ROBO1: variants seen among roughly 807,000 people sequenced by gnomAD.
ROBO1 encodes the protein roundabout homolog 1.
Under a neutral mutation model 195.9 loss-of-function variants are expected in ROBO1, and 149 were observed. That is an observed-to-expected ratio of 0.76 (90% CI 0.67 to 0.87). ROBO1 has a LOEUF of 0.87. Ranked by LOEUF, ROBO1 falls within the 40% of genes least tolerant of loss-of-function variation. The pLI is 0.00. For missense variants in ROBO1, 1,933 were observed against 2,068.3 expected (o/e 0.93, Z 1.27); for synonymous variants, 816 against 733.2 (o/e 1.11, Z -1.82).
At chr3:79,498,051 A>C (rs1367544061) in intron 2 of ROBO1, among the ~76,000 whole-genome samples, 3 of 152,130 alleles carry the variant, frequency 2.0e-5, no homozygotes, top group African/African-American at 7.2e-5. Flanking sequence ...ATCGAATCTC[A>C]TCTCTCTACA....
intron 2 of ROBO1, among the ~76,000 whole-genome samples, chr3:79,352,141 C>T (rs1304568814): frequency 6.6e-6 from 1 of 152,094 alleles, no homozygotes; most frequent in Non-Finnish European, 1.5e-5. Flanking sequence ...TGAAGTATCC[C>T]ATCAAACTTA....
chr3:79,720,076 A>T (rs1702637675), intron 1 of ROBO1, among the ~76,000 whole-genome samples: 1 of 152,222 alleles, frequency 6.6e-6, no homozygotes, highest in Non-Finnish European at 1.5e-5. Context: ...CTATTAAGAT[A>T]ATAAAAGTGT....
intron 2 of ROBO1, among the ~76,000 whole-genome samples, chr3:79,162,736 T>C (rs1188840450): frequency 6.6e-6 from 1 of 152,162 alleles, no homozygotes; most frequent in East Asian, 1.9e-4. Flanking sequence ...CTGTGAAACA[T>C]TGTCTTACTG....
At position 78,598,509 on chromosome 3, in the gene ROBO1, T is replaced by TATC. The variant is rs113692951; in HGVS notation, c.*401_*403dup. On this transcript the variant is annotated 3_prime_UTR_variant, in exon 31 of 31. Transcript: ENST00000464233. The stretch of plus-strand genomic sequence containing the variant: ...CTTTGAGAGCCCTTGTGAGGTTGAA[T>TATC]ATCAACTTTCTATATTTGATCAATA... 0.25 allele frequency: 39,524 copies of TATC among 158,516 alleles called. 5,042 individuals are homozygous for TATC. Among genetic ancestry groups the TATC allele is most frequent in the Middle Eastern group, 0.37 (124 of 334 alleles). The allele number at this position is 158,516 out of a possible 1,614,324, so 9.8% of individuals were successfully genotyped here. A position where few individuals can be genotyped will look rare whatever the true frequency, so the allele number is the denominator to read the frequency against.
intron 2 of ROBO1, among the ~76,000 whole-genome samples, chr3:79,414,825 A>C (rs927482857): frequency 9.9e-5 from 15 of 152,194 alleles, no homozygotes; most frequent in Non-Finnish European, 1.9e-4. Flanking sequence ...ACTGAAGATT[A>C]TCAGCAGATG....
chr3:78,736,800 C>CT (rs1039842795), intron 5 of ROBO1, among the ~76,000 whole-genome samples: 11 of 152,158 alleles, frequency 7.2e-5, no homozygotes, highest in Non-Finnish European at 1.5e-4. Flanking sequence ...GCTTGGCTTT[C>CT]TTTTTTCTAG....
intron 1 of ROBO1, among the ~76,000 whole-genome samples, chr3:79,698,155 T>TACTAGGCAGCAAATTAAATA (rs1947502373): frequency 1.3e-5 from 2 of 151,510 alleles, no homozygotes; most frequent in Non-Finnish European, 3.0e-5. Context: ...TATGAGGACT[T>TACTAGGCAGCAAATTAAATA]TGAAGACTGA....
intron 3 of ROBO1, among the ~76,000 whole-genome samples, chr3:79,033,308 A>G (rs2078328247): frequency 6.6e-6 from 1 of 152,114 alleles, no homozygotes; most frequent in Non-Finnish European, 1.5e-5. Context: ...CTTTAAAGTA[A>G]TACTTCTACC....
chr3:79,432,327 A>G (rs2038710879), intron 2 of ROBO1, among the ~76,000 whole-genome samples: 1 of 152,116 alleles, frequency 6.6e-6, no homozygotes, highest in Non-Finnish European at 1.5e-5. Context: ...TATTTGTGCC[A>G]TACAAATATT....
chr3:79,440,754 G>C (rs1032210747), intron 2 of ROBO1, among the ~76,000 whole-genome samples: 1 of 152,094 alleles, frequency 6.6e-6, no homozygotes, highest in Non-Finnish European at 1.5e-5. Context: ...ACAGAATTGA[G>C]CAAGGCAAGA....
intron 1 of ROBO1, among the ~76,000 whole-genome samples, chr3:79,648,421 GTGAAGA>G (rs769887498): frequency 6.6e-6 from 1 of 152,062 alleles, no homozygotes; most frequent in Non-Finnish European, 1.5e-5. Context: ...ATAAGGCTCA[GTGAAGA>G]TGAACTCCTG....
chr3:79,148,214 A>T (rs186514787), intron 2 of ROBO1, among the ~76,000 whole-genome samples: 3 of 152,046 alleles, frequency 2.0e-5, no homozygotes, highest in Admixed American at 1.3e-4. Flanking sequence ...GAAGCACAAT[A>T]GGAACACAAG....
At position 78,831,005 on chromosome 3, in the gene ROBO1, C is replaced by T. The variant is rs142705183; in HGVS notation, c.500-84105G>A. ...CCGGCTCACTGCAACCTCTGCCTCC[C>T]GTGTTCAAGTGATTCTCCTGCCTTA... On this transcript the variant is annotated intron_variant, in intron 4 of 30. Transcript: ENST00000464233. Among the ~76,000 whole-genome samples the T allele has an allele frequency of 2.7e-3, 405 of 152,050 alleles. 2 individuals carry two copies. The highest frequency in any genetic ancestry group is 8.7e-3 in the African/African-American group (360 of 41,472).
At chr3:79,530,801 A>C (rs1465223400) in intron 2 of ROBO1, among the ~76,000 whole-genome samples, 1 of 130,394 alleles carries the variant, frequency 7.7e-6, no homozygotes, top group African/African-American at 3.1e-5. Context: ...ACACACACAC[A>C]CACATCCTTC....
intron 2 of ROBO1, among the ~76,000 whole-genome samples, chr3:79,270,211 CT>C (rs2030405682): frequency 1.4e-5 from 2 of 146,106 alleles, no homozygotes; most frequent in Non-Finnish European, 3.1e-5. Context: ...CTCTCTCTCT[CT>C]CTCTCTCTCA....
chr3:79,051,935 G>A (rs981199643), intron 3 of ROBO1, among the ~76,000 whole-genome samples: 1 of 151,984 alleles, frequency 6.6e-6, no homozygotes, highest in African/African-American at 2.4e-5. Flanking sequence ...GATGTATGTT[G>A]CCTCAGGACC....
chr3:79,470,632 TA>T (rs1477247230), intron 2 of ROBO1, among the ~76,000 whole-genome samples: 1 of 152,098 alleles, frequency 6.6e-6, no homozygotes, highest in Non-Finnish European at 1.5e-5. Context: ...GGACATAATT[TA>T]ATCATGGGGG....
rs575341533 is a variant in ROBO1 at position 78,948,203 on chromosome 3, T to G, written c.173-9276A>C. 1.2e-4 allele frequency among the ~76,000 whole-genome samples: 18 copies of G among 152,230 alleles called. No individual in the cohort carries two copies. The East Asian group carries it at 2.5e-3, about 21-fold the overall frequency. On this transcript the variant is annotated intron_variant, in intron 3 of 30. Transcript: ENST00000464233. ...CCAGCATCATCCTGATACCAAAGCA[T>G]GGCAGAGACACAACCAATTTTAGAC...
At chr3:79,298,609 C>T (rs923036081) in intron 2 of ROBO1, among the ~76,000 whole-genome samples, 1 of 151,958 alleles carries the variant, frequency 6.6e-6, no homozygotes, top group African/African-American at 2.4e-5. Flanking sequence ...CCAGATTATC[C>T]TGAAACTTCT....
Sources: allele counts gnomAD v4.1 joint callset (sites outside exome capture counted in the v4.1 genomes callset), GRCh38; gene constraint gnomAD v4.1.1; transcripts MANE v1.5; gene names NCBI Gene and HGNC (gene_info 2026-07-23, HGNC 2026-07-21).